NALCN: variants seen among roughly 807,000 people sequenced by gnomAD.
The protein encoded by NALCN is sodium leak channel NALCN.
NALCN carries 111 observed loss-of-function variants against 225.3 expected under a neutral mutation model. The observed-to-expected ratio is 0.49, with a 90% CI of 0.42 to 0.58. The LOEUF (loss-of-function observed/expected upper bound fraction) is 0.58. Among genes scored for constraint, NALCN ranks in the 20% least tolerant of loss-of-function variants. NALCN has a pLI of 0.00. For missense variants in NALCN, 1,378 were observed against 2,202.4 expected (o/e 0.63, Z 7.49); for synonymous variants, 764 against 769.0 (o/e 0.99, Z 0.11).
chr13:101,211,666 A>ATATATATATC (rs1555313546), intron 13 of NALCN, among the ~76,000 whole-genome samples: 1 of 150,274 alleles, frequency 6.7e-6, no homozygotes, highest in African/African-American at 2.5e-5. Flanking sequence ...ATATATATAT[A>ATATATATATC]TATCTCATGG....
At chr13:101,110,928 T>G (rs556675058) in intron 19 of NALCN, among the ~76,000 whole-genome samples, 197 bp downstream of exon 19, 1 of 152,324 alleles carries the variant, frequency 6.6e-6, no homozygotes, top group South Asian at 2.1e-4. Context: ...GGAAAAGGAT[T>G]GTGAAGTAGA....
In NALCN at chr13:101,153,555, G is replaced by C. The variant is rs139547825; in HGVS notation, c.1840-8659C>G. Reference sequence around the variant, plus strand: ...CATGCCTCCTTTGCTATTTAAGGTTGCTTCTTCAAAGAGATGCTTACAGCA... The same window carrying C: ...CATGCCTCCTTTGCTATTTAAGGTTCCTTCTTCAAAGAGATGCTTACAGCA... On this transcript the variant is annotated intron_variant, in intron 15 of 43. Transcript: ENST00000251127. 8.3e-4 allele frequency among the ~76,000 whole-genome samples: 127 copies of C among 152,316 alleles called. 1 individual carries two copies. The highest frequency in any genetic ancestry group is 2.8e-3 in the African/African-American group (117 of 41,566).
intron 6 of NALCN, among the ~76,000 whole-genome samples, chr13:101,370,964 A>G (rs1014413140): frequency 2.6e-5 from 4 of 152,214 alleles, no homozygotes; most frequent in African/African-American, 7.2e-5. Flanking sequence ...ATTAAAGATA[A>G]GTTTGCATTT....
At chr13:101,275,858 G>T (rs1443455666) in intron 10 of NALCN, among the ~76,000 whole-genome samples, 1 of 151,998 alleles carries the variant, frequency 6.6e-6, no homozygotes, top group East Asian at 1.9e-4. Context: ...GAGGTCAGAA[G>T]ATCGAGATCA....
intron 6 of NALCN, among the ~76,000 whole-genome samples, chr13:101,363,666 GACTGGGCAAATTTTT>G (rs2046308335): frequency 6.6e-6 from 1 of 152,086 alleles, no homozygotes; most frequent in Admixed American, 6.6e-5. Flanking sequence ...CAGGACACTG[GACTGGGCAAATTTTT>G]GGGGGGACAA....
In NALCN at chr13:101,405,174, A is replaced by G. The variant is rs140794907; in HGVS notation, c.-39-6009T>C. Among the ~76,000 whole-genome samples the G allele has an allele frequency of 5.3e-5, 8 of 152,296 alleles. No individual in the cohort carries two copies. The East Asian group carries it at 1.5e-3, about 29-fold the overall frequency. On this transcript the variant is annotated intron_variant, in intron 1 of 43. Coordinates refer to ENST00000251127, the MANE Select transcript of NALCN (RefSeq NM_052867.4). ...CATTTACATCTTCAGTTTTACCTCA[A>G]TACACCACAGTGAAAACTTGACGAC...
Position 101,107,542 on chromosome 13 carries a change from G to A in NALCN, c.2524C>T (p.Arg842Ter), listed in dbSNP as rs779930597. ...CAAAAGTTTCTGAACCTGTGTTCTC[G>A]CCCGACAATGAACAGTGGCTTATCG... ...YFDKPLFIVG[R>*]EHRFRNFCRV... Residue 842 changes from arginine (R) to a stop codon, truncating the protein, a stop_gained, in exon 22 of 44, where the codon CGA (arginine) becomes TGA (stop). Coordinates refer to ENST00000251127, the MANE Select transcript of NALCN (RefSeq NM_052867.4). LOFTEE classifies it high-confidence loss of function. 12 of 1,613,986 alleles carry A rather than the reference G, an allele frequency of 7.4e-6. No homozygotes were observed. Among genetic ancestry groups the A allele is most frequent in the African/African-American group, 1.3e-5 (1 of 74,918 alleles).
chr13:101,302,479 C>T (rs1302265966), intron 7 of NALCN, among the ~76,000 whole-genome samples: 2 of 152,040 alleles, frequency 1.3e-5, no homozygotes, highest in East Asian at 3.9e-4. Context: ...AAGAAACATA[C>T]CTGAGTGATA....
intron 13 of NALCN, among the ~76,000 whole-genome samples, chr13:101,197,032 C>A (rs1218803123): frequency 6.6e-6 from 1 of 152,032 alleles, no homozygotes; most frequent in Non-Finnish European, 1.5e-5. Flanking sequence ...TGCCTTCACT[C>A]TCAAGCCTCC....
At chr13:101,407,316 A>G (rs1245591082) in intron 1 of NALCN, among the ~76,000 whole-genome samples, 1 of 152,234 alleles carries the variant, frequency 6.6e-6, no homozygotes, top group Non-Finnish European at 1.5e-5. Flanking sequence ...CTCAGAGGGA[A>G]TGACTACACA....
intron 13 of NALCN, among the ~76,000 whole-genome samples, chr13:101,210,234 A>G (rs550914206): frequency 1.3e-5 from 2 of 152,174 alleles, no homozygotes; most frequent in South Asian, 4.1e-4. Context: ...TCACACACGT[A>G]CACACATTAT....
intron 6 of NALCN, among the ~76,000 whole-genome samples, chr13:101,365,250 G>A (rs1490844070): frequency 6.6e-6 from 1 of 152,038 alleles, no homozygotes; most frequent in African/African-American, 2.4e-5. Flanking sequence ...CTTTGTGTCT[G>A]TATGTACTCA....
intron 41 of NALCN, among the ~76,000 whole-genome samples, chr13:101,060,997 T>C (rs2031886290): frequency 6.6e-6 from 1 of 152,250 alleles, no homozygotes; most frequent in Non-Finnish European, 1.5e-5. Flanking sequence ...CAATTGACGT[T>C]GTTGCTCTGA....
chr13:101,264,365 T>C (rs1275958778), intron 10 of NALCN, among the ~76,000 whole-genome samples: 1 of 152,200 alleles, frequency 6.6e-6, no homozygotes, highest in Non-Finnish European at 1.5e-5. Flanking sequence ...GTTTTTAGTT[T>C]GGCTTTGATC....
intron 30 of NALCN, among the ~76,000 whole-genome samples, chr13:101,088,570 C>T (rs2034047986): frequency 6.6e-6 from 1 of 152,146 alleles, no homozygotes; most frequent in Non-Finnish European, 1.5e-5. Flanking sequence ...TTTCTGCAAC[C>T]GTGCATTTGA....
chr13:101,228,565 C>G (rs978153448), intron 13 of NALCN, among the ~76,000 whole-genome samples: 3 of 152,180 alleles, frequency 2.0e-5, no homozygotes, highest in African/African-American at 4.8e-5. Context: ...GGCTCTCATT[C>G]TCTCTTGCCT....
At chr13:101,114,886 A>G (rs539416631) in intron 18 of NALCN, among the ~76,000 whole-genome samples, 2 of 152,270 alleles carry the variant, frequency 1.3e-5, no homozygotes, top group Admixed American at 1.3e-4. Flanking sequence ...CATCTTTACC[A>G]GGAGGAACCT....
intron 10 of NALCN, among the ~76,000 whole-genome samples, chr13:101,266,105 A>T (rs2042587273): frequency 6.6e-6 from 1 of 152,178 alleles, no homozygotes; most frequent in South Asian, 2.1e-4. Flanking sequence ...GTATGATGAC[A>T]TCTACATCTT....
Position 101,089,687 on chromosome 13 carries a change from A to G in NALCN, c.3465T>C (p.Val1155=). ...CCTTGTTTTCATTGAAATTAGCAATAACTACTCCAACAAAAAGGGTCAGTC... is the reference window on the plus strand; with the variant it reads ...CCTTGTTTTCATTGAAATTAGCAATGACTACTCCAACAAAAAGGGTCAGTC... ...MIGLTLFVGV[V]IANFNENKGT... The change falls in exon 30 of 44, where the codon GTT becomes GTC. Residue 1155 remains valine (V), a synonymous_variant. Coordinates refer to ENST00000251127, the MANE Select transcript of NALCN (RefSeq NM_052867.4). The surrounding 1 kb of genome is among the most constrained non-coding windows in gnomAD (Gnocchi z 4.7). 1 of 1,614,016 alleles carries G rather than the reference A, an allele frequency of 6.2e-7. No homozygotes were observed. Among genetic ancestry groups the G allele is most frequent in the Non-Finnish European group, 8.5e-7 (1 of 1,179,936 alleles).
Sources: gnomAD v4.1 joint callset for allele counts (sites outside exome capture counted in the v4.1 genomes callset) on GRCh38, gnomAD v4.1.1 for gene constraint, Gnocchi (gnomAD v3.1) non-coding constraint, MANE v1.5 for transcripts, NCBI Gene and HGNC (gene_info 2026-07-23, HGNC 2026-07-21) for gene names.